Variants in RFLNA observed in about 807,000 individuals in gnomAD.
The protein encoded by RFLNA is refilin A.
A neutral mutation model predicts 7.8 loss-of-function variants in RFLNA; 5 were observed. The observed-to-expected ratio is 0.64, with a 90% CI of 0.34 to 1.35. The LOEUF (loss-of-function observed/expected upper bound fraction) is 1.35, where lower values mean the gene tolerates loss of function less well. Among genes scored for constraint, RFLNA ranks in the 40% most tolerant of loss-of-function variants. The pLI, the probability that RFLNA is intolerant of heterozygous loss-of-function variation, is 0.04. For synonymous variants in RFLNA, 141 were observed against 131.3 expected (o/e 1.07, Z -0.50); for missense variants, 278 against 305.5 (o/e 0.91, Z 0.67).
At chr12:124,311,176 C>T (rs1229813756) in intron 1 of RFLNA, among the ~76,000 whole-genome samples, 1 of 152,226 alleles carries the variant, frequency 6.6e-6, no homozygotes, top group Non-Finnish European at 1.5e-5. Flanking sequence ...GGTTACACGC[C>T]CATGTCCAAT....
intron 1 of RFLNA, among the ~76,000 whole-genome samples, chr12:124,303,006 C>T (rs2034072754): frequency 6.6e-6 from 1 of 152,216 alleles, no homozygotes; most frequent in Admixed American, 6.5e-5. Context: ...TGGGTACCTC[C>T]TCCTGCCTCC....
At position 124,295,599 on chromosome 12, in the gene RFLNA, C is replaced by G; in HGVS notation, c.170C>G (p.Ala57Gly). The G allele has an allele frequency of 8.2e-7, 1 of 1,222,288 alleles. No individual in the cohort carries two copies. The highest frequency in any genetic ancestry group is 1.0e-6 in the Non-Finnish European group (1 of 983,370). The allele number at this position is 1,222,288 out of a possible 1,614,324, so 75.7% of individuals were successfully genotyped here. Residue 57 changes from alanine (A) to glycine (G), a missense_variant, in exon 1 of 3, where the codon GCC becomes GGC. Physicochemically the swap from Ala to Gly is moderately conservative, Grantham distance 60. Transcript: ENST00000546355. ...ILDARAGGAG[A>G]SSEPPGPSEA... ...GACGCGCGCGCGGGGGGCGCCGGCG[C>G]CTCCTCGGAGCCCCCGGGACCCAGC...
chr12:124,304,014 C>T (rs1339365113), intron 1 of RFLNA, among the ~76,000 whole-genome samples: 7 of 152,234 alleles, frequency 4.6e-5, no homozygotes, highest in Admixed American at 1.3e-4. Flanking sequence ...ACCCAGTCTT[C>T]GGCAGTATCT....
rs528957023 is a variant in RFLNA, at chr12:124,298,276, G to A, written c.207+2640G>A. Among the ~76,000 whole-genome samples the A allele has an allele frequency of 4.7e-4, 71 of 152,222 alleles. No individual in the cohort carries two copies. In the East Asian group the frequency reaches 0.013, roughly 29 times the overall value. ...GGACGTGCATGTTAAACCTGCCTAC[G>A]CTTCACTTCATTAAAGAGGCCCCCC... On this transcript the variant is annotated intron_variant, in intron 1 of 2. Transcript: ENST00000546355.
chr12:124,311,240 G>A (rs1332248853), intron 1 of RFLNA, among the ~76,000 whole-genome samples: 1 of 152,232 alleles, frequency 6.6e-6, no homozygotes, highest in Non-Finnish European at 1.5e-5. Context: ...TGTGGATGCT[G>A]GGTAGGCCCT....
intron 1 of RFLNA, among the ~76,000 whole-genome samples, chr12:124,296,496 C>G (rs1040290964): frequency 6.6e-6 from 1 of 152,146 alleles, no homozygotes; most frequent in African/African-American, 2.4e-5. Flanking sequence ...CCTGCCCGCT[C>G]TCTGGCTGCG....
intron 1 of RFLNA, among the ~76,000 whole-genome samples, chr12:124,301,799 G>A (rs1593030576): frequency 6.6e-6 from 1 of 152,148 alleles, no homozygotes; most frequent in Admixed American, 6.5e-5. Flanking sequence ...CTAGGTTGAC[G>A]GCCCCCACTC....
At chr12:124,310,228 C>G (rs116748253) in intron 1 of RFLNA, among the ~76,000 whole-genome samples, 335 of 141,706 alleles carry the variant, frequency 2.4e-3, no homozygotes, top group African/African-American at 7.7e-3. Context: ...TGGCCCTGCC[C>G]TGAGTGAAAT....
Position 124,314,888 on chromosome 12 carries a change from G to C in RFLNA, c.*363G>C. 2.4e-6 allele frequency: 1 copy of C among 408,322 alleles called. No individual in the cohort carries two copies. Among genetic ancestry groups the C allele is most frequent in the South Asian group, 2.0e-5 (1 of 50,262 alleles). 25.3% of individuals were successfully genotyped at this position (408,322 alleles called of 1,614,324 possible). A position where few individuals can be genotyped will look rare whatever the true frequency, so the allele number is the denominator to read the frequency against. ...CAGCCCCGAGCAGTGTGAGGACAGA[G>C]GCATCCCAGCCTCAGCCGGTGGGGA... On this transcript the variant is annotated 3_prime_UTR_variant, in exon 3 of 3. Transcript: ENST00000546355.
chr12:124,300,315 G>A (rs1021079771), intron 1 of RFLNA, among the ~76,000 whole-genome samples: 7 of 152,206 alleles, frequency 4.6e-5, no homozygotes, highest in Non-Finnish European at 7.3e-5. Context: ...AAGAGTGTAC[G>A]TGAGAGCTTC....
At chr12:124,314,118 T>C (rs2034303491) in intron 2 of RFLNA, 74 bp from the exon 3 acceptor site, 2 of 1,523,640 alleles carry the variant, frequency 1.3e-6, no homozygotes, top group Non-Finnish European at 1.8e-6. Context: ...GGCCCTTTCG[T>C]GTCCATGCTG....
At chr12:124,312,879 C>T (rs1026506594) in intron 2 of RFLNA, among the ~76,000 whole-genome samples, 3 of 152,158 alleles carry the variant, frequency 2.0e-5, no homozygotes, top group Non-Finnish European at 4.4e-5. Context: ...ATTTGCCCTC[C>T]TCTGAAGCTG....
rs934881419 is a variant in RFLNA, at chr12:124,298,255, G to A, written c.207+2619G>A. On this transcript the variant is annotated intron_variant, in intron 1 of 2. Coordinates refer to ENST00000546355, the MANE Select transcript of RFLNA (RefSeq NM_001365156.1). ...ACCTACTTTAGGAGGCTGGACGGACGTGCATGTTAAACCTGCCTACGCTTC... is the reference window on the plus strand; with the variant it reads ...ACCTACTTTAGGAGGCTGGACGGACATGCATGTTAAACCTGCCTACGCTTC... Among the ~76,000 whole-genome samples, 6 of 152,176 alleles carry A rather than the reference G, an allele frequency of 3.9e-5. No homozygotes were observed. In the South Asian group the frequency reaches 6.2e-4, roughly 16 times the overall value.
At chr12:124,292,315 G>A (rs1270336393), upstream of RFLNA, among the ~76,000 whole-genome samples, 1 of 152,086 alleles carries the variant, frequency 6.6e-6, no homozygotes, top group Non-Finnish European at 1.5e-5. Flanking sequence ...CAGACACCCC[G>A]ATCTTGAAAG....
At chr12:124,305,975 C>T (rs564487797) in intron 1 of RFLNA, among the ~76,000 whole-genome samples, 1 of 152,274 alleles carries the variant, frequency 6.6e-6, no homozygotes, top group South Asian at 2.1e-4. Flanking sequence ...AGTCCTCGAT[C>T]CTCTCCCTGT....
intron 1 of RFLNA, among the ~76,000 whole-genome samples, chr12:124,302,473 A>G (rs1182482098): frequency 6.6e-6 from 1 of 152,140 alleles, no homozygotes; most frequent in South Asian, 2.1e-4. Context: ...ATCCCCCCCA[A>G]GCAGACTGTG....
At chr12:124,309,120 G>A (rs1226020082) in intron 1 of RFLNA, among the ~76,000 whole-genome samples, 2 of 152,142 alleles carry the variant, frequency 1.3e-5, no homozygotes, top group Non-Finnish European at 2.9e-5. Context: ...GGGTGTCCTG[G>A]GTGCTGTTTG....
At chr12:124,300,777 CGGATGGATGGATGGAT>C (rs59223953) in intron 1 of RFLNA, among the ~76,000 whole-genome samples, 50 of 70,066 alleles carry the variant, frequency 7.1e-4, no homozygotes, top group East Asian at 1.2e-3. Context: ...GATGGATTGA[CGGATGGATGGATGGAT>C]GGATGGATGG....
rs974599988 is a variant in RFLNA at position 124,314,603 on chromosome 12, C to T, written c.*78C>T. 9.8e-6 allele frequency: 15 copies of T among 1,533,746 alleles called. No homozygotes were observed. Among genetic ancestry groups the T allele is most frequent in the African/African-American group, 9.6e-5 (7 of 73,000 alleles). On this transcript the variant is annotated 3_prime_UTR_variant, in exon 3 of 3. Coordinates refer to ENST00000546355, the MANE Select transcript of RFLNA (RefSeq NM_001365156.1). ...GCCGGGAGGATGGACACGATGAGCT[C>T]GGCCTGGCACTCGGGCAGGAGGCGG...
Sources: allele counts gnomAD v4.1 joint callset (sites outside exome capture counted in the v4.1 genomes callset), GRCh38; gene constraint gnomAD v4.1.1; transcripts MANE v1.5; gene names NCBI Gene and HGNC (gene_info 2026-07-23, HGNC 2026-07-21).